The following SMOC1 variants were observed in gnomAD, a reference collection of about 807,000 sequenced individuals.
SMOC1 encodes SPARC-related modular calcium-binding protein 1.
SMOC1 carries 22 observed loss-of-function variants against 56.3 expected under a neutral mutation model. The observed-to-expected ratio is 0.39, with a 90% CI of 0.28 to 0.56. The LOEUF (loss-of-function observed/expected upper bound fraction) is 0.56, where lower values mean the gene tolerates loss of function less well. SMOC1 is among the 20% of genes least tolerant of loss of function. The pLI is 0.61. For missense variants in SMOC1, 509 were observed against 565.4 expected, an observed-to-expected ratio of 0.90 and a Z score of 1.01; for synonymous variants, 193 against 215.0, an observed-to-expected ratio of 0.90 and a Z score of 0.89.
intron 1 of SMOC1, among the ~76,000 whole-genome samples, chr14:69,950,746 G>T (rs1247505391): frequency 6.6e-6 from 1 of 152,212 alleles, no homozygotes; most frequent in Admixed American, 6.5e-5. Flanking sequence ...CCCAATTATT[G>T]TTCTCCAACT....
Position 69,896,174 on chromosome 14 carries a change from G to A in SMOC1, c.99+16397G>A, listed in dbSNP as rs376128774. Among the ~76,000 whole-genome samples, 148 of 152,242 alleles carry A rather than the reference G, an allele frequency of 9.7e-4. 3 individuals are homozygous for A. The South Asian group carries it at 0.028, about 29-fold the overall frequency. ...TGTGTACCTTTCTTTTCTTAAAGCC[G>A]CATCTACTTTGTGAATGAAATTCAC... On this transcript the variant is annotated intron_variant, in intron 1 of 11. Coordinates refer to ENST00000361956, the MANE Select transcript of SMOC1 (RefSeq NM_001034852.3).
intron 1 of SMOC1, among the ~76,000 whole-genome samples, chr14:69,935,039 G>A (rs1314538512): frequency 3.3e-5 from 5 of 152,188 alleles, no homozygotes; most frequent in Admixed American, 2.6e-4. Context: ...ATTCTACTAT[G>A]ACTTCTTCCT....
At chr14:69,891,939 A>T (rs926780023) in intron 1 of SMOC1, among the ~76,000 whole-genome samples, 8 of 152,208 alleles carry the variant, frequency 5.3e-5, no homozygotes. Flanking sequence ...ATCCTAAATT[A>T]GTTCCTTTCT....
intron 3 of SMOC1, among the ~76,000 whole-genome samples, chr14:69,954,616 A>G (rs535620975): frequency 1.3e-5 from 2 of 152,312 alleles, no homozygotes; most frequent in African/African-American, 4.8e-5. Context: ...AGAGTCAGAT[A>G]TGATGCCAGC....
chr14:69,996,145 T>C (rs777500380), intron 7 of SMOC1, among the ~76,000 whole-genome samples: 4 of 152,226 alleles, frequency 2.6e-5, no homozygotes, highest in Non-Finnish European at 5.9e-5. Context: ...AATTGTTTCC[T>C]TGAATTTCTT....
intron 1 of SMOC1, among the ~76,000 whole-genome samples, chr14:69,908,116 A>G (rs190741455): frequency 9.2e-5 from 14 of 152,358 alleles, no homozygotes; most frequent in Admixed American, 6.5e-4. Flanking sequence ...TTTGACATGT[A>G]TAAGTTCACA....
chr14:69,952,348 A>G (rs1883034298), intron 2 of SMOC1, 45 bp downstream of exon 2: 6 of 1,609,452 alleles, frequency 3.7e-6, no homozygotes, highest in East Asian at 2.2e-5. Flanking sequence ...GTTCCTGGGC[A>G]CCCCAGCTCC....
chr14:70,005,997 A>G (rs1338522494), intron 7 of SMOC1, among the ~76,000 whole-genome samples: 2 of 152,202 alleles, frequency 1.3e-5, no homozygotes, highest in Non-Finnish European at 2.9e-5. Context: ...CTCTGAACCC[A>G]TGATCATGAA....
chr14:70,008,360 A>T (rs374041451), intron 7 of SMOC1, among the ~76,000 whole-genome samples: 1 of 152,316 alleles, frequency 6.6e-6, no homozygotes, highest in East Asian at 1.9e-4. Context: ...GGCTGGTCTC[A>T]AACTCCTGGG....
chr14:69,959,368 G>A (rs1883292384), intron 3 of SMOC1, among the ~76,000 whole-genome samples: 1 of 152,180 alleles, frequency 6.6e-6, no homozygotes, highest in Non-Finnish European at 1.5e-5. Flanking sequence ...TTCCATAAAT[G>A]TTGAGCAACC....
At chr14:70,000,839 C>T (rs990672407) in intron 7 of SMOC1, among the ~76,000 whole-genome samples, 1 of 152,218 alleles carries the variant, frequency 6.6e-6, no homozygotes, top group Non-Finnish European at 1.5e-5. Context: ...TCACCCATGA[C>T]ACTTCATCCC....
intron 1 of SMOC1, among the ~76,000 whole-genome samples, chr14:69,950,780 G>A (rs1446999701): frequency 1.3e-5 from 2 of 152,180 alleles, no homozygotes; most frequent in Admixed American, 6.5e-5. Flanking sequence ...GTTAACAGGG[G>A]GTTCCCTGAT....
At chr14:70,029,379 G>C (rs1240662177) in intron 11 of SMOC1, among the ~76,000 whole-genome samples, 1 of 152,184 alleles carries the variant, frequency 6.6e-6, no homozygotes, top group Admixed American at 6.5e-5. Flanking sequence ...TTCTGTCCAG[G>C]TACATCAGCA....
At chr14:69,906,291 G>A (rs1362513731) in intron 1 of SMOC1, among the ~76,000 whole-genome samples, 1 of 152,128 alleles carries the variant, frequency 6.6e-6, no homozygotes, top group Non-Finnish European at 1.5e-5. Context: ...GCTTTTGCTG[G>A]TTTTCCTAGG....
In SMOC1 at chr14:70,031,367, C is replaced by T. The variant is rs375761979; in HGVS notation, c.*1109C>T. ...GGGCAGATTGGGTGTGACCTCTCCA[C>T]TCCTCCATCTCCTGCTGTTGTCCTA... On this transcript the variant is annotated 3_prime_UTR_variant, in exon 12 of 12. Coordinates refer to ENST00000361956, the MANE Select transcript of SMOC1 (RefSeq NM_001034852.3). 3.4e-5 allele frequency: 5 copies of T among 148,438 alleles called. No individual in the cohort carries two copies. The highest frequency in any genetic ancestry group is 1.3e-4 in the African/African-American group (5 of 39,866). The allele number at this position is 148,438 out of a possible 1,614,324, so 9.2% of individuals were successfully genotyped here.
chr14:69,962,560 C>T lies in SMOC1; in HGVS notation c.378+9028C>T, dbSNP rs149186108. Among the ~76,000 whole-genome samples the T allele has an allele frequency of 4.8e-4, 73 of 152,048 alleles. No homozygotes were observed. In the East Asian group the frequency reaches 0.014, roughly 29 times the overall value. Reference sequence around the variant, plus strand: ...AATTTCCTTTGAAGCACAAAAGCTTCTTTTTTTCTTTTTTCTTTTCTTTTC... The same window carrying T: ...AATTTCCTTTGAAGCACAAAAGCTTTTTTTTTTCTTTTTTCTTTTCTTTTC... On this transcript the variant is annotated intron_variant, in intron 3 of 11. Coordinates refer to ENST00000361956, the MANE Select transcript of SMOC1 (RefSeq NM_001034852.3).
intron 7 of SMOC1, among the ~76,000 whole-genome samples, chr14:70,000,960 ATC>A (rs1884945772): frequency 6.6e-6 from 1 of 152,122 alleles, no homozygotes; most frequent in South Asian, 2.1e-4. Flanking sequence ...TGAAGATGGG[ATC>A]TCCGAGACAT....
chr14:70,023,988 T>G (rs962698249), intron 11 of SMOC1, among the ~76,000 whole-genome samples: 1 of 152,014 alleles, frequency 6.6e-6, no homozygotes, highest in African/African-American at 2.4e-5. Context: ...GTCAACCAGA[T>G]GGAGTAGACA....
chr14:69,944,194 A>T (rs1387137413), intron 1 of SMOC1, among the ~76,000 whole-genome samples: 1 of 152,202 alleles, frequency 6.6e-6, no homozygotes, highest in Non-Finnish European at 1.5e-5. Context: ...AAATTAAATG[A>T]TGGGCCATTT....
Sources: gnomAD v4.1 joint callset for allele counts (sites outside exome capture counted in the v4.1 genomes callset) on GRCh38, gnomAD v4.1.1 for gene constraint, MANE v1.5 for transcripts, NCBI Gene and HGNC (gene_info 2026-07-23, HGNC 2026-07-21) for gene names.